The following CENPP variants were observed in gnomAD, a reference collection of about 807,000 sequenced individuals.
CENPP encodes the protein centromere protein P.
In CENPP, 24 loss-of-function variants were observed where a neutral mutation model predicts 35.6. The ratio of observed to expected loss-of-function variants is 0.67; its 90% confidence interval spans 0.49 to 0.95. The LOEUF is 0.95. CENPP is among the 40% of genes least tolerant of loss of function. CENPP has a pLI of 0.00. For synonymous variants in CENPP, 120 were observed against 125.5 expected (o/e 0.96, Z 0.29); for missense variants, 332 against 345.3 (o/e 0.96, Z 0.31).
intron 5 of CENPP, chr9:92,389,582 A>G (rs1163190171): frequency 3.9e-6 from 1 of 257,384 alleles, no homozygotes; most frequent in Non-Finnish European, 7.3e-6. Flanking sequence ...ATGTCTGTCT[A>G]AATAAATATT....
intron 5 of CENPP, among the ~76,000 whole-genome samples, chr9:92,540,661 C>T (rs1422914810): frequency 1.3e-5 from 2 of 151,620 alleles, no homozygotes; most frequent in Admixed American, 6.6e-5. Context: ...GTCGCAGCTA[C>T]TCGGGAGGCT....
chr9:92,418,064 A>G (rs933781357), intron 5 of CENPP, among the ~76,000 whole-genome samples: 1 of 150,538 alleles, frequency 6.6e-6, no homozygotes, highest in Admixed American at 6.6e-5. Flanking sequence ...AAATGAAGTG[A>G]GTTTTTTTTC....
chr9:92,513,222 T>A (rs1295820249), intron 5 of CENPP, among the ~76,000 whole-genome samples: 1 of 152,148 alleles, frequency 6.6e-6, no homozygotes, highest in Admixed American at 6.5e-5. Context: ...CCCTCCCTGG[T>A]GGTCCTATGG....
intron 5 of CENPP, chr9:92,415,142 T>G: frequency 6.3e-7 from 1 of 1,592,160 alleles, no homozygotes; most frequent in Non-Finnish European, 8.5e-7. Flanking sequence ...TATACCTATA[T>G]AGTTTCTTGC....
At chr9:92,374,640 C>T (rs1453119500) in intron 4 of CENPP, among the ~76,000 whole-genome samples, 1 of 152,188 alleles carries the variant, frequency 6.6e-6, no homozygotes, top group Non-Finnish European at 1.5e-5. Context: ...GTGATTGTCA[C>T]AGATTGCATC....
intron 3 of CENPP, among the ~76,000 whole-genome samples, chr9:92,345,320 A>G (rs1841258644): frequency 6.6e-6 from 1 of 151,900 alleles, no homozygotes; most frequent in Non-Finnish European, 1.5e-5. Flanking sequence ...CCCCATCTCT[A>G]CTAAAAATAC....
At chr9:92,465,062 A>G (rs777435658) in intron 5 of CENPP, 10 of 1,401,598 alleles carry the variant, frequency 7.1e-6, no homozygotes, top group Non-Finnish European at 9.1e-6. Context: ...CTTAGCACAC[A>G]TAGGTTGTAT....
intron 4 of CENPP, among the ~76,000 whole-genome samples, chr9:92,355,313 A>G (rs1460807664): frequency 6.6e-6 from 1 of 151,992 alleles, no homozygotes; most frequent in African/African-American, 2.4e-5. Flanking sequence ...CAGGGTATTA[A>G]CATTAATATT....
chr9:92,333,894 A>G (rs1417691175), intron 2 of CENPP, among the ~76,000 whole-genome samples: 17 of 152,186 alleles, frequency 1.1e-4, no homozygotes, highest in Non-Finnish European at 7.3e-5. Context: ...TAGGTAATCA[A>G]ATGATCTTGA....
intron 5 of CENPP, among the ~76,000 whole-genome samples, chr9:92,417,730 C>CT (rs1183368407): frequency 6.6e-6 from 1 of 151,682 alleles, no homozygotes; most frequent in Admixed American, 6.6e-5. Flanking sequence ...AAATTTTTTT[C>CT]TTTTTTTGTG....
intron 5 of CENPP, chr9:92,404,810 TTCA>T: frequency 3.1e-6 from 1 of 325,934 alleles, no homozygotes; most frequent in Non-Finnish European, 5.0e-6. Flanking sequence ...GTAATAAACA[TTCA>T]TGTTTTGGTG....
At chr9:92,387,983 C>T (rs148318646) in intron 5 of CENPP, among the ~76,000 whole-genome samples, 4,667 of 149,242 alleles carry the variant, frequency 0.031, 115 homozygotes, top group South Asian at 0.085. Flanking sequence ...AGGCTGGTCT[C>T]GAACTCTTGA....
intron 5 of CENPP, among the ~76,000 whole-genome samples, chr9:92,427,994 C>T (rs1844011002): frequency 6.6e-6 from 1 of 152,040 alleles, no homozygotes; most frequent in Non-Finnish European, 1.5e-5. Context: ...TGGAAGTAAC[C>T]ACCTCTCAGC....
chr9:92,483,622 C>G (rs946710096), intron 5 of CENPP, among the ~76,000 whole-genome samples: 10 of 152,212 alleles, frequency 6.6e-5, no homozygotes, highest in African/African-American at 2.4e-4. Context: ...TGGAGGCCAG[C>G]AAAGAGCTTT....
chr9:92,347,552 T>G (rs1468795336), intron 4 of CENPP, among the ~76,000 whole-genome samples: 1 of 152,256 alleles, frequency 6.6e-6, no homozygotes, highest in Non-Finnish European at 1.5e-5. Flanking sequence ...TTATCTCTGC[T>G]GTTATGCAAT....
chr9:92,498,315 G>A (rs1846475480), intron 5 of CENPP, among the ~76,000 whole-genome samples: 1 of 152,096 alleles, frequency 6.6e-6, no homozygotes, highest in Non-Finnish European at 1.5e-5. Flanking sequence ...TAGACGTTGG[G>A]GGAGGGATAG....
At chr9:92,373,145 A>C (rs929370772) in intron 4 of CENPP, among the ~76,000 whole-genome samples, 1 of 152,124 alleles carries the variant, frequency 6.6e-6, no homozygotes, top group African/African-American at 2.4e-5. Context: ...TAATTTGGCC[A>C]TGCACAGTAG....
intron 5 of CENPP, chr9:92,385,883 G>A: frequency 8.8e-7 from 1 of 1,137,896 alleles, no homozygotes; most frequent in Non-Finnish European, 1.3e-6. Flanking sequence ...TCAGAGGTCT[G>A]AGTGCCCCCT....
intron 5 of CENPP, among the ~76,000 whole-genome samples, chr9:92,578,546 G>T (rs1850341047): frequency 1.3e-5 from 2 of 152,146 alleles, no homozygotes; most frequent in South Asian, 4.1e-4. Context: ...TTCTCTGATG[G>T]TCAGTGATGG....
Sources: allele counts gnomAD v4.1 joint callset (sites outside exome capture counted in the v4.1 genomes callset), GRCh38; gene constraint gnomAD v4.1.1; transcripts MANE v1.5; gene names NCBI Gene and HGNC (gene_info 2026-07-23, HGNC 2026-07-21).